CDH13: variants seen among roughly 807,000 people sequenced by gnomAD.
CDH13 encodes the protein cadherin 13.
A neutral mutation model predicts 63.8 loss-of-function variants in CDH13; 24 were observed. The observed-to-expected ratio is 0.38, with a 90% CI of 0.27 to 0.53. The LOEUF (loss-of-function observed/expected upper bound fraction) is 0.53, where lower values mean the gene tolerates loss of function less well. Ranked by LOEUF, CDH13 falls within the 20% of genes least tolerant of loss-of-function variation. The probability of loss-of-function intolerance (pLI) is 0.85; values close to 1 mark genes in which losing one functional copy is unlikely to be tolerated. For synonymous variants in CDH13, 503 were observed against 355.3 expected (o/e 1.42, Z -4.67); for missense variants, 1,049 against 903.1 (o/e 1.16, Z -2.07).
At chr16:82,829,400 T>C (rs960518377) in intron 1 of CDH13, 1 of 152,078 alleles carries the variant, frequency 6.6e-6, no homozygotes, top group Non-Finnish European at 1.5e-5. Flanking sequence ...TATATACTCT[T>C]GGGCTTGAAA....
chr16:83,496,125 C>T (rs1438791790), intron 7 of CDH13, among the ~76,000 whole-genome samples: 1 of 151,976 alleles, frequency 6.6e-6, no homozygotes, highest in Non-Finnish European at 1.5e-5. Flanking sequence ...CATCAAGCTA[C>T]CAATGACTTT....
chr16:83,417,050 TTATTTCAC>T (rs1242249349), intron 6 of CDH13, among the ~76,000 whole-genome samples: 1 of 152,178 alleles, frequency 6.6e-6, no homozygotes, highest in Non-Finnish European at 1.5e-5. Context: ...TTTACAGGGA[TTATTTCAC>T]TTATCATGGG....
chr16:83,484,404 G>T (rs1370437093), intron 6 of CDH13, among the ~76,000 whole-genome samples: 1 of 152,138 alleles, frequency 6.6e-6, no homozygotes, highest in African/African-American at 2.4e-5. Flanking sequence ...TCAGAAGATG[G>T]GCCTTATATT....
chr16:83,399,895 C>G (rs1335440305), intron 6 of CDH13, among the ~76,000 whole-genome samples: 1 of 152,148 alleles, frequency 6.6e-6, no homozygotes, highest in Admixed American at 6.5e-5. Flanking sequence ...CCAACTCATT[C>G]TAATATGCTC....
In CDH13 at chr16:83,549,642, C is replaced by CA. The variant is rs11302201; in HGVS notation, c.961-52798dup. Among the ~76,000 whole-genome samples, 295 of 125,694 alleles carry CA rather than the reference C, an allele frequency of 2.3e-3. 1 individual carries two copies. Among genetic ancestry groups the CA allele is most frequent in the African/African-American group, 5.6e-3 (193 of 34,356 alleles). 82.5% of individuals were successfully genotyped at this position (125,694 alleles called of 152,430 possible). On this transcript the variant is annotated intron_variant, in intron 7 of 13. Coordinates refer to ENST00000567109, the MANE Select transcript of CDH13 (RefSeq NM_001257.5). ...TTCTTGCATCATTTTTCTCTACGCT[C>CA]AAAAAAAAAAAAAAGCAAAAACAAA...
At chr16:82,991,098 G>A (rs1321558489) in intron 2 of CDH13, among the ~76,000 whole-genome samples, 1 of 152,164 alleles carries the variant, frequency 6.6e-6, no homozygotes, top group Admixed American at 6.5e-5. Flanking sequence ...AAGTCCAGAA[G>A]CACATCTGAT....
intron 6 of CDH13, among the ~76,000 whole-genome samples, chr16:83,428,045 A>T (rs143114047): frequency 6.6e-6 from 1 of 152,304 alleles, no homozygotes; most frequent in African/African-American, 2.4e-5. Flanking sequence ...GGTCTCTGGT[A>T]TATTTCCCCT....
chr16:82,914,623 T>A (rs998313734), intron 2 of CDH13, among the ~76,000 whole-genome samples: 1 of 152,172 alleles, frequency 6.6e-6, no homozygotes, highest in African/African-American at 2.4e-5. Flanking sequence ...GTTATGATGA[T>A]CTTTTAAGGC....
At chr16:82,920,706 C>T (rs185122230) in intron 2 of CDH13, among the ~76,000 whole-genome samples, 3 of 152,170 alleles carry the variant, frequency 2.0e-5, no homozygotes. Flanking sequence ...CACACACTCT[C>T]TTTTTTCCCC....
intron 1 of CDH13, among the ~76,000 whole-genome samples, chr16:82,692,345 G>C (rs1416431889): frequency 6.6e-6 from 1 of 152,222 alleles, no homozygotes; most frequent in Non-Finnish European, 1.5e-5. Context: ...ATAAAGGAAA[G>C]AGGATTAATT....
intron 5 of CDH13, among the ~76,000 whole-genome samples, chr16:83,259,315 T>G (rs1196891584): frequency 2.0e-5 from 3 of 152,180 alleles, no homozygotes; most frequent in Non-Finnish European, 2.9e-5. Context: ...GGGAGAAATC[T>G]CTAAAACACT....
At chr16:83,240,303 G>T (rs1234755642) in intron 5 of CDH13, among the ~76,000 whole-genome samples, 1 of 152,046 alleles carries the variant, frequency 6.6e-6, no homozygotes, top group Non-Finnish European at 1.5e-5. Context: ...CAGGGCCTTG[G>T]AAACTTTGCA....
chr16:83,281,720 C>T (rs1220984618), intron 5 of CDH13, among the ~76,000 whole-genome samples: 10 of 150,998 alleles, frequency 6.6e-5, no homozygotes, highest in African/African-American at 2.4e-4. Context: ...ACCAGCCTGG[C>T]CAACATAGTA....
At chr16:83,332,304 C>G (rs961468947) in intron 5 of CDH13, among the ~76,000 whole-genome samples, 18 of 152,066 alleles carry the variant, frequency 1.2e-4, no homozygotes, top group African/African-American at 3.6e-4. Context: ...CCCTGTATTA[C>G]TTAAATATTC....
At chr16:83,335,316 C>T (rs898582997) in intron 5 of CDH13, among the ~76,000 whole-genome samples, 1 of 152,096 alleles carries the variant, frequency 6.6e-6, no homozygotes, top group Non-Finnish European at 1.5e-5. Flanking sequence ...CAATTACCGG[C>T]TCTTAACTTT....
intron 2 of CDH13, among the ~76,000 whole-genome samples, chr16:82,966,783 A>C (rs894524183): frequency 6.6e-6 from 1 of 152,190 alleles, no homozygotes; most frequent in Non-Finnish European, 1.5e-5. Context: ...TGCAGACTCG[A>C]TGCCCCTTTT....
chr16:83,451,090 C>T (rs2072874960), intron 6 of CDH13, among the ~76,000 whole-genome samples: 1 of 152,150 alleles, frequency 6.6e-6, no homozygotes, highest in Non-Finnish European at 1.5e-5. Flanking sequence ...CTTGGAGAAA[C>T]ACCTTCTTCA....
chr16:83,060,666 C>G (rs1219360495), intron 3 of CDH13, among the ~76,000 whole-genome samples: 1 of 152,236 alleles, frequency 6.6e-6, no homozygotes, highest in Non-Finnish European at 1.5e-5. Flanking sequence ...GCATGCCTAA[C>G]CGCAGTGCAA....
chr16:83,489,144 G>C (rs962130636), intron 7 of CDH13, among the ~76,000 whole-genome samples: 1 of 152,138 alleles, frequency 6.6e-6, no homozygotes, highest in Non-Finnish European at 1.5e-5. Context: ...TTTGTTCTGA[G>C]AGAAAATATT....
Sources: gnomAD v4.1 joint callset for allele counts (sites outside exome capture counted in the v4.1 genomes callset) on GRCh38, gnomAD v4.1.1 for gene constraint, MANE v1.5 for transcripts, NCBI Gene and HGNC (gene_info 2026-07-23, HGNC 2026-07-21) for gene names.